The following FBXO38 variants were observed in gnomAD, a reference collection of about 807,000 sequenced individuals.
FBXO38 encodes the protein F-box protein 38.
FBXO38 carries 53 observed loss-of-function variants against 131.9 expected under a neutral mutation model. The ratio of observed to expected loss-of-function variants is 0.40; its 90% confidence interval spans 0.32 to 0.51. The LOEUF (loss-of-function observed/expected upper bound fraction) is 0.51, where lower values mean the gene tolerates loss of function less well. Ranked by LOEUF, FBXO38 falls within the 20% of genes least tolerant of loss-of-function variation. The pLI is 0.53. For synonymous variants in FBXO38, 452 were observed against 505.6 expected (o/e 0.89, Z 1.42); for missense variants, 1,076 against 1,475.6 (o/e 0.73, Z 4.44).
chr5:148,439,222 T>A (rs1754529406), intron 18 of FBXO38, among the ~76,000 whole-genome samples: 1 of 152,136 alleles, frequency 6.6e-6, no homozygotes, highest in African/African-American at 2.4e-5. Flanking sequence ...AGCAATGTTA[T>A]CAAAGGCTCC....
chr5:148,433,921 A>G (rs980021172), intron 17 of FBXO38, 184 bp downstream of exon 17: 6 of 405,450 alleles, frequency 1.5e-5, no homozygotes, highest in Admixed American at 4.2e-5. Context: ...TGAGCATCAT[A>G]TATAGAAACT....
intron 1 of FBXO38, among the ~76,000 whole-genome samples, chr5:148,385,300 C>G (rs982314546): frequency 6.6e-6 from 1 of 151,956 alleles, no homozygotes; most frequent in African/African-American, 2.4e-5. Flanking sequence ...GCTGTGTGCC[C>G]AGAGGTACAC....
chr5:148,410,539 C>A, intron 8 of FBXO38, 96 bp from the exon 9 acceptor site: 1 of 1,387,984 alleles, frequency 7.2e-7, no homozygotes, highest in Non-Finnish European at 1.0e-6. Context: ...TCTTTGTCAG[C>A]AGCATAGAAA....
chr5:148,432,394 G>T (rs1754085347), intron 15 of FBXO38, among the ~76,000 whole-genome samples: 1 of 152,164 alleles, frequency 6.6e-6, no homozygotes, highest in African/African-American at 2.4e-5. Context: ...ATTAACCAGG[G>T]TTTGACAGAC....
chr5:148,393,228 T>TGTGC (rs1408213298), intron 1 of FBXO38, among the ~76,000 whole-genome samples: 2 of 149,930 alleles, frequency 1.3e-5, no homozygotes. Flanking sequence ...TGTGTGTGTG[T>TGTGC]GTGTGTGATG....
chr5:148,430,149 ATTATTATTATT>A (rs1753950144), intron 15 of FBXO38: 1 of 129,434 alleles, frequency 7.7e-6, no homozygotes, highest in South Asian at 2.3e-4. Context: ...TATAATTATT[ATTATTATTATT>A]TTTTTTTTTT....
chr5:148,422,739 A>C (rs7709898), intron 12 of FBXO38, among the ~76,000 whole-genome samples: 152,209 of 152,340 alleles, frequency 1, 76,040 homozygotes, highest in Non-Finnish European at 1. Flanking sequence ...AAAGCAGTTG[A>C]TCAGCAACTT....
chr5:148,414,107 T>G (rs1001940240), intron 9 of FBXO38, 29 bp from the exon 10 acceptor site: 2 of 1,579,176 alleles, frequency 1.3e-6, no homozygotes, highest in Non-Finnish European at 1.7e-6. Context: ...ATTTGACTTT[T>G]TTTTTTTTTA....
chr5:148,394,564 A>T, intron 1 of FBXO38, 150 bp from the exon 2 acceptor site: 1 of 283,686 alleles, frequency 3.5e-6, no homozygotes, highest in Non-Finnish European at 6.5e-6. Context: ...TGCTTTTTGC[A>T]CAGAACAAAT....
chr5:148,401,091 C>G (rs1163946870), intron 3 of FBXO38, among the ~76,000 whole-genome samples: 1 of 152,102 alleles, frequency 6.6e-6, no homozygotes, highest in Non-Finnish European at 1.5e-5. Flanking sequence ...GTATGTAAGA[C>G]TTAAATATTT....
At chr5:148,415,019 C>T (rs17108251) in intron 10 of FBXO38, among the ~76,000 whole-genome samples, 41,139 of 151,958 alleles carry the variant, frequency 0.27, 5,621 homozygotes, top group African/African-American at 0.3. Flanking sequence ...TATCTCCTCA[C>T]AAAGCTACTA....
chr5:148,398,100 G>C (rs771727643), intron 2 of FBXO38, among the ~76,000 whole-genome samples: 11 of 152,056 alleles, frequency 7.2e-5, no homozygotes, highest in East Asian at 3.9e-4. Flanking sequence ...AGGTCAGAGA[G>C]GGGGAGATAA....
intron 14 of FBXO38, among the ~76,000 whole-genome samples, chr5:148,426,951 T>TG (rs35719701): frequency 6.6e-6 from 1 of 152,098 alleles, no homozygotes; most frequent in African/African-American, 2.4e-5. Flanking sequence ...AGAATGTATA[T>TG]GGAGGGTACG....
chr5:148,434,590 A>C (rs1254448290), intron 17 of FBXO38: 3 of 152,158 alleles, frequency 2.0e-5, no homozygotes, highest in Non-Finnish European at 4.4e-5. Flanking sequence ...TTAAATGTTA[A>C]ATGTTTGTGT....
At chr5:148,397,026 C>T (rs555148049) in intron 2 of FBXO38, among the ~76,000 whole-genome samples, 1 of 152,264 alleles carries the variant, frequency 6.6e-6, no homozygotes, top group East Asian at 1.9e-4. Flanking sequence ...GAGAAAACAG[C>T]ATTTGACAGC....
chr5:148,385,714 G>A (rs903159326), intron 1 of FBXO38, among the ~76,000 whole-genome samples: 1 of 152,148 alleles, frequency 6.6e-6, no homozygotes, highest in East Asian at 1.9e-4. Context: ...GTCCTGGTCA[G>A]TAGATACACA....
rs780436261 is a variant in FBXO38 at position 148,442,250 on chromosome 5, G to A, written c.*103G>A. 9.5e-7 allele frequency: 1 copy of A among 1,047,316 alleles called. No homozygotes were observed. Among genetic ancestry groups the A allele is most frequent in the Non-Finnish European group, 1.4e-6 (1 of 705,366 alleles). The allele number at this position is 1,047,316 out of a possible 1,614,324, so 64.9% of individuals were successfully genotyped here. ...TTGAGGCATGCAGTTGGGAGGTCCT[G>A]GCTCGGTTTGCTATATAGGGAATAT... is the stretch of plus-strand genomic sequence containing the variant. On this transcript the variant is annotated 3_prime_UTR_variant, in exon 22 of 22. Transcript: ENST00000340253.
chr5:148,402,178 A>G (rs747869548), intron 4 of FBXO38, 33 bp downstream of exon 4: 19 of 1,588,676 alleles, frequency 1.2e-5, no homozygotes, highest in Non-Finnish European at 1.7e-6. Flanking sequence ...TTTGGCATCA[A>G]CTGTTTATGA....
chr5:148,440,400 C>T (rs368329146), intron 19 of FBXO38, 24 bp from the exon 20 acceptor site: 203 of 1,451,440 alleles, frequency 1.4e-4, no homozygotes, highest in Middle Eastern at 3.5e-4. Context: ...GTAATTTTTA[C>T]TTAATTTTTC....
Sources: allele counts gnomAD v4.1 joint callset (sites outside exome capture counted in the v4.1 genomes callset), GRCh38; gene constraint gnomAD v4.1.1; transcripts MANE v1.5; gene names NCBI Gene and HGNC (gene_info 2026-07-23, HGNC 2026-07-21).